The following ICE1 variants were observed in gnomAD, a reference collection of about 807,000 sequenced individuals.
The protein encoded by ICE1 is interactor of little elongation complex ELL subunit 1.
ICE1 carries 64 observed loss-of-function variants against 192.7 expected under a neutral mutation model. The ratio of observed to expected loss-of-function variants is 0.33; its 90% CI spans 0.27 to 0.41. The LOEUF is 0.41. Among genes scored for constraint, ICE1 ranks in the 10% least tolerant of loss-of-function variants. The pLI, the probability that ICE1 is intolerant of heterozygous loss-of-function variation, is 1.00. For synonymous variants in ICE1, 1,010 were observed against 984.5 expected, an observed-to-expected ratio of 1.03 and a Z score of -0.49; for missense variants, 2,708 against 2,696.0, an observed-to-expected ratio of 1.00 and a Z score of -0.10.
intron 1 of ICE1, among the ~76,000 whole-genome samples, chr5:5,425,822 G>A (rs1472721732): frequency 1.3e-5 from 2 of 152,160 alleles, no homozygotes; most frequent in East Asian, 3.8e-4. Flanking sequence ...ACATAATAGT[G>A]ATAACAAAAG....
chr5:5,427,185 T>C (rs187063731), intron 1 of ICE1, among the ~76,000 whole-genome samples: 3 of 152,354 alleles, frequency 2.0e-5, no homozygotes, highest in African/African-American at 7.2e-5. Context: ...TTCTGTGTCT[T>C]TTGCTCGTAG....
intron 10 of ICE1, 32 bp downstream of exon 10, chr5:5,447,929 G>C: frequency 2.0e-6 from 3 of 1,502,404 alleles, no homozygotes; most frequent in Non-Finnish European, 2.7e-6. Context: ...TTTTAATGTT[G>C]TGTATTGCTC....
chr5:5,435,403 A>G (rs1737839945), intron 1 of ICE1, among the ~76,000 whole-genome samples: 2 of 152,228 alleles, frequency 1.3e-5, no homozygotes, highest in Non-Finnish European at 2.9e-5. Context: ...ATAATCAGTG[A>G]AAATTGAACA....
At chr5:5,449,461 GA>G (rs11324848) in intron 10 of ICE1, among the ~76,000 whole-genome samples, 7,441 of 135,504 alleles carry the variant, frequency 0.055, 609 homozygotes, top group East Asian at 0.36. Context: ...TTTTCGACCG[GA>G]AAAAAAAAAA....
intron 1 of ICE1, among the ~76,000 whole-genome samples, chr5:5,433,604 A>G (rs988432770): frequency 6.6e-6 from 1 of 152,180 alleles, no homozygotes; most frequent in Non-Finnish European, 1.5e-5. Flanking sequence ...AAGCAAATGC[A>G]TGCATCCACC....
At chr5:5,447,334 C>T (rs1472137788) in intron 7 of ICE1, 93 bp from the exon 8 acceptor site, 4 of 780,442 alleles carry the variant, frequency 5.1e-6, no homozygotes, top group African/African-American at 1.8e-5. Flanking sequence ...ATGAGAAAAA[C>T]TTGTAATAGA....
intron 1 of ICE1, among the ~76,000 whole-genome samples, chr5:5,432,554 G>A (rs997794367): frequency 6.6e-6 from 1 of 152,120 alleles, no homozygotes; most frequent in Non-Finnish European, 1.5e-5. Flanking sequence ...CTGTTGGATC[G>A]TTGGGTAACT....
intron 11 of ICE1, among the ~76,000 whole-genome samples, chr5:5,455,536 G>A (rs190674739): frequency 6.6e-6 from 1 of 152,192 alleles, no homozygotes; most frequent in Non-Finnish European, 1.5e-5. Flanking sequence ...ATTTTATGTT[G>A]TCAAGCTGTT....
intron 17 of ICE1, among the ~76,000 whole-genome samples, chr5:5,476,377 T>G (rs1739312138): frequency 6.6e-6 from 1 of 152,202 alleles, no homozygotes. Flanking sequence ...CGCTATAAAT[T>G]ATACTGTAGT....
chr5:5,467,842 G>A (rs1739033025), intron 14 of ICE1, among the ~76,000 whole-genome samples: 1 of 152,166 alleles, frequency 6.6e-6, no homozygotes, highest in Non-Finnish European at 1.5e-5. Context: ...ACTTTGGAAG[G>A]CTCTTTGACA....
chr5:5,462,675 T>G lies in ICE1; in HGVS notation c.3341T>G (p.Phe1114Cys), dbSNP rs1392973996. The G allele has an allele frequency of 1.2e-6, 2 of 1,613,754 alleles. No individual in the cohort carries two copies. The highest frequency in any genetic ancestry group is 1.7e-6 in the Non-Finnish European group (2 of 1,179,826). Residue 1114 changes from phenylalanine (F) to cysteine (C), a missense_variant, in exon 13 of 19, where the codon TTT becomes TGT. Physicochemically the swap from Phe to Cys is radical, Grantham distance 205. Around this residue, in one of 2 missense-constraint regions of ICE1, gnomAD observed 2,366 missense variants for 2,276.6 expected, o/e 1.04. Coordinates refer to ENST00000296564, the MANE Select transcript of ICE1 (RefSeq NM_015325.3). ...GACACTGAGGTAGAGAGTGAGGCAT[T>G]TAGCTGCAGTGAGGGGAGCGAACAG... ...GDDTEVESEA[F>C]SCSEGSEQQD...
At chr5:5,453,953 C>A (rs769246837) in intron 10 of ICE1, among the ~76,000 whole-genome samples, 1 of 152,078 alleles carries the variant, frequency 6.6e-6, no homozygotes, top group Admixed American at 6.5e-5. Context: ...TCTGTCTGCT[C>A]GTGTGTGTGA....
intron 17 of ICE1, among the ~76,000 whole-genome samples, chr5:5,482,735 G>C (rs1195963250): frequency 6.6e-6 from 1 of 151,194 alleles, no homozygotes; most frequent in Admixed American, 6.6e-5. Context: ...GTTTAGGCCT[G>C]GCAGATTTCT....
intron 10 of ICE1, among the ~76,000 whole-genome samples, chr5:5,454,200 C>T (rs1490042912): frequency 2.0e-5 from 3 of 152,190 alleles, no homozygotes; most frequent in Non-Finnish European, 4.4e-5. Context: ...CATCTCAAAG[C>T]ACTCTCTGGT....
chr5:5,429,351 C>T (rs765695877), intron 1 of ICE1, among the ~76,000 whole-genome samples: 1 of 152,110 alleles, frequency 6.6e-6, no homozygotes. Context: ...TCCAGAAATC[C>T]GAGTCCTCAG....
chr5:5,473,028 C>T (rs1228670446), intron 15 of ICE1, among the ~76,000 whole-genome samples: 1 of 152,116 alleles, frequency 6.6e-6, no homozygotes, highest in Non-Finnish European at 1.5e-5. Context: ...TTGGTTATTA[C>T]TCAGCAGTAA....
At chr5:5,453,070 A>G (rs1738472025) in intron 10 of ICE1, among the ~76,000 whole-genome samples, 1 of 152,152 alleles carries the variant, frequency 6.6e-6, no homozygotes, top group African/African-American at 2.4e-5. Context: ...TCTGGATGAT[A>G]GCCTCCATAA....
intron 1 of ICE1, among the ~76,000 whole-genome samples, chr5:5,433,757 GACAGGTCATGATTTAACGCTTA>G (rs1275078374): frequency 6.6e-6 from 1 of 152,014 alleles, no homozygotes; most frequent in Non-Finnish European, 1.5e-5. Flanking sequence ...TCTTTTGTGG[GACAGGTCATGATTTAACGCTTA>G]ACAGATGGTG....
intron 16 of ICE1, among the ~76,000 whole-genome samples, 175 bp downstream of exon 16, chr5:5,473,923 C>T (rs1189521474): frequency 6.6e-6 from 1 of 152,106 alleles, no homozygotes; most frequent in Non-Finnish European, 1.5e-5. Context: ...AAGATACCTT[C>T]ATCACGGCCG....
Sources: gnomAD v4.1 joint callset for allele counts (sites outside exome capture counted in the v4.1 genomes callset) on GRCh38, gnomAD v4.1.1 for gene constraint, gnomAD v4.1.1 regional missense constraint, MANE v1.5 for transcripts, NCBI Gene and HGNC (gene_info 2026-07-23, HGNC 2026-07-21) for gene names.